MIA3: variants seen among roughly 807,000 people sequenced by gnomAD.
MIA3 encodes the protein MIA SH3 domain ER export factor 3.
A neutral mutation model predicts 192.4 loss-of-function variants in MIA3; 90 were observed. That is an observed-to-expected ratio of 0.47 (90% CI 0.39 to 0.56). The LOEUF (loss-of-function observed/expected upper bound fraction) is 0.56. Ranked by LOEUF, MIA3 falls within the 20% of genes least tolerant of loss-of-function variation. MIA3 has a pLI of 0.00. For synonymous variants in MIA3, 740 were observed against 792.8 expected (o/e 0.93, Z 1.12); for missense variants, 2,123 against 2,269.4 (o/e 0.94, Z 1.31).
chr1:222,637,269 G>C (rs1295014124), intron 6 of MIA3, among the ~76,000 whole-genome samples: 3 of 152,026 alleles, frequency 2.0e-5, no homozygotes, highest in Admixed American at 2.0e-4. Context: ...ATATTTCCTG[G>C]GAATTGATAG....
At chr1:222,638,369 TTAAAAG>T (rs2124871009) in intron 6 of MIA3, among the ~76,000 whole-genome samples, 1 of 152,182 alleles carries the variant, frequency 6.6e-6, no homozygotes, top group Admixed American at 6.5e-5. Flanking sequence ...TCTTATGAGT[TTAAAAG>T]GAAAAGGAGA....
Position 222,632,514 on chromosome 1 carries a change from ATAAC to A in MIA3, c.3331+193_3331+196del, listed in dbSNP as rs201940772. 3.6e-4 allele frequency among the ~76,000 whole-genome samples: 55 copies of A among 152,376 alleles called. No homozygotes were observed. In the East Asian group the frequency reaches 0.01, roughly 29 times the overall value. ...AAAAATAGGAAAGACACCAGAGACT[ATAAC>A]TAACCTACAAACCAATGTTTGGCTG... is the stretch of plus-strand genomic sequence containing the variant. On this transcript the variant is annotated intron_variant, in intron 5 of 27. Coordinates refer to ENST00000344922, the MANE Select transcript of MIA3 (RefSeq NM_198551.4).
At chr1:222,632,771 C>G (rs17163343) in intron 5 of MIA3, among the ~76,000 whole-genome samples, 22,355 of 152,156 alleles carry the variant, frequency 0.15, 2,781 homozygotes, top group African/African-American at 0.34. Context: ...TTACCCCTCT[C>G]TTTCCAAATA....
intron 11 of MIA3, 85 bp from the exon 12 acceptor site, chr1:222,651,892 G>T: frequency 1.2e-6 from 1 of 817,082 alleles, no homozygotes; most frequent in Non-Finnish European, 2.1e-6. Context: ...GACATACTTT[G>T]TTGATGTTTC....
intron 4 of MIA3, among the ~76,000 whole-genome samples, chr1:222,630,763 G>A (rs975400949): frequency 6.6e-5 from 10 of 152,160 alleles, no homozygotes; most frequent in African/African-American, 2.2e-4. Context: ...TGGATTGACT[G>A]GTATAACTTT....
At chr1:222,640,162 A>G (rs538307836) in intron 6 of MIA3, among the ~76,000 whole-genome samples, 99 of 152,292 alleles carry the variant, frequency 6.5e-4, no homozygotes, top group African/African-American at 2.2e-3. Context: ...ATTAAAAACT[A>G]TAAAATATTG....
intron 2 of MIA3, among the ~76,000 whole-genome samples, chr1:222,623,415 GT>G (rs1223303142): frequency 6.6e-6 from 1 of 151,714 alleles, no homozygotes; most frequent in Non-Finnish European, 1.5e-5. Context: ...CTTTTTCCAG[GT>G]TCTCCCTTAA....
chr1:222,627,553 A>G, intron 3 of MIA3, 22 bp from the exon 4 acceptor site: 1 of 1,538,404 alleles, frequency 6.5e-7, no homozygotes. Context: ...TTGACAGACT[A>G]ATGTTTTTCT....
intron 4 of MIA3, among the ~76,000 whole-genome samples, 177 bp downstream of exon 4, chr1:222,630,566 A>G (rs1039256432): frequency 1.3e-5 from 2 of 152,256 alleles, no homozygotes; most frequent in African/African-American, 2.4e-5. Context: ...AGCATGGAGA[A>G]GAATTTCTTG....
At chr1:222,626,283 T>G (rs17163313) in intron 3 of MIA3, among the ~76,000 whole-genome samples, 87,584 of 151,956 alleles carry the variant, frequency 0.58, 27,803 homozygotes, top group Non-Finnish European at 0.71. Context: ...CCTGTTTGGC[T>G]TCACTCCTGA....
At position 222,627,694 on chromosome 1, in the gene MIA3, A is replaced by G. The variant is rs1662181603; in HGVS notation, c.474A>G (p.Val158=). ...NSAATDSEKA[V]EKTLQDMEKN... Reference sequence around the variant, plus strand: ...CAGCTACAGATTCTGAGAAAGCTGTAGAAAAAACTTTACAGGATATGGAAA... The same window carrying G: ...CAGCTACAGATTCTGAGAAAGCTGTGGAAAAAACTTTACAGGATATGGAAA... Residue 158 remains valine, a synonymous_variant, in exon 4 of 28, where the codon GTA becomes GTG. Coordinates refer to ENST00000344922, the MANE Select transcript of MIA3 (RefSeq NM_198551.4). 6.2e-7 allele frequency: 1 copy of G among 1,613,692 alleles called. No individual in the cohort carries two copies. The highest frequency in any genetic ancestry group is 1.7e-5 in the Admixed American group (1 of 59,912).
chr1:222,650,599 A>C lies in MIA3; in HGVS notation c.3721-35A>C, dbSNP rs192034783. Reference sequence around the variant, plus strand: ...ATAAGTTCTGGTAGCACTATACTTTATATTTCTGGATTCTGAATGCTTTAT... The same window carrying C: ...ATAAGTTCTGGTAGCACTATACTTTCTATTTCTGGATTCTGAATGCTTTAT... On this transcript the variant is annotated intron_variant, in intron 9 of 27. Coordinates refer to ENST00000344922, the MANE Select transcript of MIA3 (RefSeq NM_198551.4). The C allele has an allele frequency of 2.3e-4, 328 of 1,413,656 alleles. 4 individuals are homozygous for C. In the South Asian group the frequency reaches 3.1e-3, roughly 14 times the overall value. The allele number at this position is 1,413,656 out of a possible 1,614,324, so 87.6% of individuals were successfully genotyped here.
In MIA3 at chr1:222,660,113, C is replaced by T. The variant is rs546444464; in HGVS notation, c.4976-64C>T. Reference sequence around the variant, plus strand: ...ATGGTTATGGTACCCTAGGAATAATCCCAAGAACTGAATAAAGAAAAAAAG... The same window carrying T: ...ATGGTTATGGTACCCTAGGAATAATTCCAAGAACTGAATAAAGAAAAAAAG... On this transcript the variant is annotated intron_variant, in intron 23 of 27. Transcript: ENST00000344922. 11 of 1,594,438 alleles carry T rather than the reference C, an allele frequency of 6.9e-6. No homozygotes were observed. In the African/African-American group the frequency reaches 9.5e-5, roughly 14 times the overall value.
intron 7 of MIA3, among the ~76,000 whole-genome samples, chr1:222,647,184 G>A (rs537134794): frequency 1.1e-4 from 17 of 152,064 alleles, no homozygotes; most frequent in Admixed American, 2.0e-4. Context: ...AAGACACACC[G>A]TTAATTTTTT....
chr1:222,620,312 T>A (rs1418935334), intron 1 of MIA3, among the ~76,000 whole-genome samples: 1 of 152,254 alleles, frequency 6.6e-6, no homozygotes, highest in East Asian at 1.9e-4. Context: ...AAAATAAAAG[T>A]ACTGCTTCAG....
intron 6 of MIA3, among the ~76,000 whole-genome samples, chr1:222,640,632 G>T (rs1438769409): frequency 6.6e-6 from 1 of 152,106 alleles, no homozygotes; most frequent in East Asian, 1.9e-4. Flanking sequence ...AGACTTAAAT[G>T]TAAACCCTAA....
At chr1:222,636,928 C>T (rs1159337154) in intron 6 of MIA3, among the ~76,000 whole-genome samples, 1 of 152,190 alleles carries the variant, frequency 6.6e-6, no homozygotes, top group Non-Finnish European at 1.5e-5. Context: ...TTCCCTATCC[C>T]TGCACTGAAG....
intron 6 of MIA3, among the ~76,000 whole-genome samples, chr1:222,643,934 A>G (rs1274060320): frequency 2.7e-5 from 4 of 149,586 alleles, no homozygotes; most frequent in South Asian, 2.1e-4. Context: ...TAAGCAGAGG[A>G]CTGAGTGGGC....
At chr1:222,618,838 G>A (rs532565021) in intron 1 of MIA3, among the ~76,000 whole-genome samples, 3 of 152,264 alleles carry the variant, frequency 2.0e-5, no homozygotes, top group Admixed American at 1.3e-4. Context: ...GGCTTGTACC[G>A]CCTTTTGAAC....
Sources: gnomAD v4.1 joint callset for allele counts (sites outside exome capture counted in the v4.1 genomes callset) on GRCh38, gnomAD v4.1.1 for gene constraint, MANE v1.5 for transcripts, NCBI Gene and HGNC (gene_info 2026-07-23, HGNC 2026-07-21) for gene names.